The following CNOT11 variants were observed in gnomAD, a reference collection of about 807,000 sequenced individuals.
CNOT11 encodes UPF0760 protein C2orf29.
CNOT11 carries 18 observed loss-of-function variants against 44.6 expected under a neutral mutation model. That is an observed-to-expected ratio of 0.40 (90% CI 0.28 to 0.60). The LOEUF is 0.60. CNOT11 is among the 20% of genes least tolerant of loss of function. The probability of loss-of-function intolerance (pLI) is 0.38; values close to 1 mark genes in which losing one functional copy is unlikely to be tolerated. For missense variants in CNOT11, 513 were observed against 677.0 expected, an observed-to-expected ratio of 0.76 and a Z score of 2.69; for synonymous variants, 291 against 270.9, an observed-to-expected ratio of 1.07 and a Z score of -0.73.
In CNOT11 at chr2:101,253,087, A is replaced by G. The variant is rs2104358836; in HGVS notation, c.123A>G (p.Arg41=). Residue 41 remains arginine, a synonymous_variant, in exon 1 of 7, where the codon AGA becomes AGG. Coordinates refer to ENST00000289382, the MANE Select transcript of CNOT11 (RefSeq NM_017546.5). The surrounding 1 kb of genome is among the most constrained non-coding windows in gnomAD (Gnocchi z 4.3). ...RSGFGGSGGG[R]GGASGPGSGS... is the part of the protein sequence containing the mutation. ...GCTTCGGGGGCTCCGGCGGCGGCAG[A>G]GGCGGAGCAAGCGGCCCCGGGTCCG... is the stretch of plus-strand genomic sequence containing the variant. The G allele has an allele frequency of 6.6e-7, 1 of 1,513,902 alleles. No individual in the cohort carries two copies. The allele number at this position is 1,513,902 out of a possible 1,614,324, so 93.8% of individuals were successfully genotyped here.
intron 1 of CNOT11, among the ~76,000 whole-genome samples, chr2:101,255,427 G>A (rs1386139285): frequency 6.6e-5 from 10 of 152,052 alleles, no homozygotes; most frequent in East Asian, 3.9e-4. Flanking sequence ...CCTGGGAGGC[G>A]GAGCTTGCAG....
intron 2 of CNOT11, 123 bp from the exon 3 acceptor site, chr2:101,262,416 T>C: frequency 1.2e-6 from 1 of 830,714 alleles, no homozygotes; most frequent in Non-Finnish European, 1.9e-6. Flanking sequence ...TACACACATT[T>C]TCTCTCTCTC....
At position 101,269,671 on chromosome 2, in the gene CNOT11, A is replaced by C. The variant is rs139450703; in HGVS notation, c.*258A>C. The C allele has an allele frequency of 3.3e-3, 1,130 of 345,458 alleles. 7 individuals carry two copies. The highest frequency in any genetic ancestry group is 0.022 in the African/African-American group (1,054 of 47,434). 21.4% of individuals were successfully genotyped at this position (345,458 alleles called of 1,614,324 possible). ...TGGCTATCCCAAAAAAAGTTCCGCA[A>C]AAAAGTAGATGAGTTTCTTTTTTTT... is the stretch of plus-strand genomic sequence containing the variant. On this transcript the variant is annotated 3_prime_UTR_variant, in exon 7 of 7. Coordinates refer to ENST00000289382, the MANE Select transcript of CNOT11 (RefSeq NM_017546.5). This position sits in a 1 kb window ranked among gnomAD's most constrained non-coding sequence, Gnocchi z 4.8.
At chr2:101,265,077 CTTTT>C (rs759024869) in intron 4 of CNOT11, 30 bp downstream of exon 4, 3 of 1,328,498 alleles carry the variant, frequency 2.3e-6, no homozygotes, top group African/African-American at 1.5e-5. Context: ...ATTTTCTTAT[CTTTT>C]TTTTTAAATT....
chr2:101,266,452 ACTGT>A (rs1681985316), intron 4 of CNOT11, among the ~76,000 whole-genome samples: 1 of 152,304 alleles, frequency 6.6e-6, no homozygotes, highest in Admixed American at 6.5e-5. Context: ...ATATTTATAA[ACTGT>A]CTTAGATGTG....
At chr2:101,259,310 C>T (rs1015281517) in intron 2 of CNOT11, among the ~76,000 whole-genome samples, 1 of 152,144 alleles carries the variant, frequency 6.6e-6, no homozygotes, top group Non-Finnish European at 1.5e-5. Flanking sequence ...GTTTTGAAAT[C>T]GGGAGGTATG....
rs771525107 is a variant in CNOT11 at position 101,264,950 on chromosome 2, A to G, written c.938A>G (p.Asp313Gly). The G allele has an allele frequency of 1.2e-6, 2 of 1,614,122 alleles. No homozygotes were observed. The highest frequency in any genetic ancestry group is 1.7e-6 in the Non-Finnish European group (2 of 1,179,972). The stretch of plus-strand genomic sequence containing the variant: ...GAGCCTGACCACGCGATCCAGTGGG[A>G]TAAATCGATGTGTGTTAAGAATAGC... Reference protein sequence around the residue: ...PTEPDHAIQWDKSMCVKNSTG... With the variant: ...PTEPDHAIQWGKSMCVKNSTG... Residue 313 changes from aspartate (D) to glycine (G), a missense_variant, in exon 4 of 7, where the codon GAT (aspartate) becomes GGT (glycine). By Grantham distance (94) the Asp-to-Gly change is moderately conservative. Around this residue, in one of 4 missense-constraint regions of CNOT11, gnomAD observed 140 missense variants for 169.8 expected, o/e 0.82. Coordinates refer to ENST00000289382, the MANE Select transcript of CNOT11 (RefSeq NM_017546.5).
chr2:101,266,933 AG>A, intron 5 of CNOT11, 54 bp downstream of exon 5: 1 of 1,323,462 alleles, frequency 7.6e-7, no homozygotes, highest in Non-Finnish European at 1.1e-6. Flanking sequence ...TTAGATGGCC[AG>A]GAAAGAAAAA....
rs1361945291 is a variant in CNOT11 at position 101,262,700 on chromosome 2, A to C, written c.832+9A>C. 1 of 1,608,598 alleles carries C rather than the reference A, an allele frequency of 6.2e-7. No homozygotes were observed. On this transcript the variant is annotated intron_variant, in intron 3 of 6. Transcript: ENST00000289382. ...AAAGCCACCTATTGAAAGTAGGTAC[A>C]TATAAATTAATTTATACTCTTTGTT...
At chr2:101,258,006 C>CAACAAGAGAGGCCTAA in intron 2 of CNOT11, 51 bp downstream of exon 2, 1 of 1,540,168 alleles carries the variant, frequency 6.5e-7, no homozygotes, top group Non-Finnish European at 8.9e-7. Flanking sequence ...TATTAGGCCT[C>CAACAAGAGAGGCCTAA]TCTTGTTGAG....
intron 2 of CNOT11, among the ~76,000 whole-genome samples, chr2:101,258,876 T>G (rs1681791738): frequency 6.6e-6 from 1 of 151,520 alleles, no homozygotes; most frequent in Non-Finnish European, 1.5e-5. Flanking sequence ...TAGTAGCTCA[T>G]GCCTGTAATC....
rs1439472366 is a variant in CNOT11, at chr2:101,253,346, C to G, written c.382C>G (p.Leu128Val). 1.2e-6 allele frequency: 2 copies of G among 1,602,360 alleles called. No homozygotes were observed. The highest frequency in any genetic ancestry group is 1.1e-5 in the South Asian group (1 of 90,888). ...TAGCGCGGCGCAGCGCCTCACGGCGCTCTACCTGCTCTGGGAGATGTACCG... is the reference window on the plus strand; with the variant it reads ...TAGCGCGGCGCAGCGCCTCACGGCGGTCTACCTGCTCTGGGAGATGTACCG... The part of the protein sequence containing the change: ...LPSAAQRLTA[L>V]YLLWEMYRTE... The change falls in exon 1 of 7, where the codon CTC becomes GTC. Residue 128 changes from leucine to valine, a missense_variant. Coordinates refer to ENST00000289382, the MANE Select transcript of CNOT11 (RefSeq NM_017546.5). This position sits in a 1 kb window ranked among gnomAD's most constrained non-coding sequence, Gnocchi z 4.3.
chr2:101,265,413 C>G (rs1317000896), intron 4 of CNOT11, among the ~76,000 whole-genome samples: 2 of 152,112 alleles, frequency 1.3e-5, no homozygotes, highest in Non-Finnish European at 2.9e-5. Flanking sequence ...ATTTTCTTAT[C>G]TTTAATCCAA....
intron 1 of CNOT11, among the ~76,000 whole-genome samples, chr2:101,255,322 C>T (rs1681713535): frequency 6.6e-6 from 1 of 151,682 alleles, no homozygotes. Flanking sequence ...GGTGAAACCC[C>T]GTCTCTACTA....
chr2:101,253,565 A>AT lies in CNOT11; in HGVS notation c.514+87_514+88insT. 1.7e-6 allele frequency: 2 copies of AT among 1,153,742 alleles called. No homozygotes were observed. Among genetic ancestry groups the AT allele is most frequent in the Non-Finnish European group, 2.3e-6 (2 of 866,378 alleles). The allele number at this position is 1,153,742 out of a possible 1,614,324, so 71.5% of individuals were successfully genotyped here. On this transcript the variant is annotated intron_variant, in intron 1 of 6. Transcript: ENST00000289382. This position sits in a 1 kb window ranked among gnomAD's most constrained non-coding sequence, Gnocchi z 4.3. Reference sequence around the variant, plus strand: ...GCTGCTGGGAACTCACCTGAAAGGGAAATTAACTATCCCTGTGAAATGATC... The same window carrying AT: ...GCTGCTGGGAACTCACCTGAAAGGGATAATTAACTATCCCTGTGAAATGATC...
chr2:101,262,502 A>G (rs1432639478), intron 2 of CNOT11, 37 bp from the exon 3 acceptor site: 1 of 1,604,496 alleles, frequency 6.2e-7, no homozygotes, highest in Admixed American at 1.7e-5. Flanking sequence ...CTCTCTCCTC[A>G]TGATGTCCAT....
In CNOT11 at chr2:101,269,197, T is replaced by G; in HGVS notation, c.1336-19T>G. ...CCAGGAAAATGAGCAGACTAACATT[T>G]TTTTTTTTCCTTTTTCAGAATCGGT... On this transcript the variant is annotated intron_variant, in intron 6 of 6. Transcript: ENST00000289382. This position sits in a 1 kb window ranked among gnomAD's most constrained non-coding sequence, Gnocchi z 4.8. 1 of 1,605,624 alleles carries G rather than the reference T, an allele frequency of 6.2e-7. No individual in the cohort carries two copies. The highest frequency in any genetic ancestry group is 8.5e-7 in the Non-Finnish European group (1 of 1,176,198).
chr2:101,262,995 G>A (rs1289533003), intron 3 of CNOT11, among the ~76,000 whole-genome samples: 2 of 152,166 alleles, frequency 1.3e-5, no homozygotes, highest in African/African-American at 4.8e-5. Flanking sequence ...GCCGAGGCAG[G>A]TGGATAACTT....
intron 2 of CNOT11, 70 bp from the exon 3 acceptor site, chr2:101,262,469 C>A: frequency 7.1e-7 from 1 of 1,411,866 alleles, no homozygotes; most frequent in Non-Finnish European, 1.0e-6. Flanking sequence ...AGATAGCTTG[C>A]CTCAGTTGGT....
Sources: allele counts gnomAD v4.1 joint callset (sites outside exome capture counted in the v4.1 genomes callset), GRCh38; gene constraint gnomAD v4.1.1; regional missense constraint gnomAD v4.1.1; non-coding constraint Gnocchi (gnomAD v3.1); transcripts MANE v1.5; gene names NCBI Gene and HGNC (gene_info 2026-07-23, HGNC 2026-07-21).